HEG1: variants seen among roughly 807,000 people sequenced by gnomAD.
HEG1 encodes heart development protein with EGF like domains 1, also known as protein HEG homolog 1.
Under a neutral mutation model 125.6 loss-of-function variants are expected in HEG1, and 56 were observed. The observed-to-expected ratio is 0.45, with a 90% confidence interval of 0.36 to 0.56. The LOEUF (loss-of-function observed/expected upper bound fraction) is 0.56. Ranked by LOEUF, HEG1 falls within the 20% of genes least tolerant of loss-of-function variation. HEG1 has a pLI of 0.00. For missense variants in HEG1, 1,523 were observed against 1,670.0 expected (o/e 0.91, Z 1.53); for synonymous variants, 644 against 668.5 (o/e 0.96, Z 0.57).
Position 124,977,854 on chromosome 3 carries a change from C to G in HEG1, c.3821+5G>C. 1 of 1,552,692 alleles carries G rather than the reference C, an allele frequency of 6.4e-7. No individual in the cohort carries two copies. Among genetic ancestry groups the G allele is most frequent in the Non-Finnish European group, 8.7e-7 (1 of 1,144,528 alleles). ...GGGATTGGAACCTGAACTCTCATCA[C>G]TTACCTGCAACAGGTAACAATCAGT... On this transcript the variant is annotated splice_donor_5th_base_variant and intron_variant, in intron 15 of 16. Transcript: ENST00000311127.
intron 1 of HEG1, among the ~76,000 whole-genome samples, chr3:125,043,925 G>T (rs1032703258): frequency 6.6e-6 from 1 of 152,210 alleles, no homozygotes; most frequent in Non-Finnish European, 1.5e-5. Context: ...TGCTCCCAGG[G>T]GTGTGCACAC....
chr3:125,029,368 G>A lies in HEG1; in HGVS notation c.437C>T (p.Thr146Ile). 1.2e-6 allele frequency: 2 copies of A among 1,613,728 alleles called. No individual in the cohort carries two copies. The highest frequency in any genetic ancestry group is 8.5e-7 in the Non-Finnish European group (1 of 1,179,900). Residue 146 changes from threonine to isoleucine, a missense_variant, in exon 2 of 17, where the codon ACC becomes ATC. By Grantham distance (89) the Thr-to-Ile change is moderately conservative (BLOSUM62 -1). Transcript: ENST00000311127. Reference sequence around the variant, plus strand: ...CGAAGCAGCATGGCTCTTCCCAGAGGTCTGAACCATCACGCCCTCTTTGGA... The same window carrying A: ...CGAAGCAGCATGGCTCTTCCCAGAGATCTGAACCATCACGCCCTCTTTGGA... ...VSSKEGVMVQ[T>I]SGKSHAASDA... is the part of the protein sequence containing the mutation.
intron 1 of HEG1, 26 bp from the exon 2 acceptor site, chr3:125,029,514 G>A: frequency 6.3e-7 from 1 of 1,577,740 alleles, no homozygotes; most frequent in Non-Finnish European, 8.6e-7. Context: ...GATGCATCAG[G>A]GAGAGTTTGC....
chr3:125,020,042 T>C (rs970528177), intron 4 of HEG1, among the ~76,000 whole-genome samples: 1 of 152,214 alleles, frequency 6.6e-6, no homozygotes, highest in Non-Finnish European at 1.5e-5. Context: ...ATTATAAGGA[T>C]TAAGCCAAAC....
chr3:125,008,195 C>G (rs1937100766), intron 8 of HEG1, among the ~76,000 whole-genome samples: 1 of 152,210 alleles, frequency 6.6e-6, no homozygotes, highest in Non-Finnish European at 1.5e-5. Flanking sequence ...CAGGCATAAG[C>G]CACTACACCA....
At chr3:124,975,874 C>T (rs1445556322) in intron 15 of HEG1, among the ~76,000 whole-genome samples, 3 of 152,178 alleles carry the variant, frequency 2.0e-5, no homozygotes, top group African/African-American at 7.2e-5. Flanking sequence ...CATTTTATGC[C>T]GGAATCATAT....
rs1367964879 is a variant in HEG1, at chr3:125,013,880, C to G, written c.1699G>C (p.Ala567Pro). ...CTGTTATCTGTAATGGACAGTAACG[C>G]CCGTTCTCCTTTGGTGAAAGTAGAT... ...LSSTFTKGER[A>P]LLSITDNSSS... The change falls in exon 6 of 17, where the codon GCG becomes CCG. Residue 567 changes from alanine (A) to proline (P), a missense_variant. Ala to Pro is a conservative substitution (Grantham distance 27, BLOSUM62 -1). Transcript: ENST00000311127. The G allele has an allele frequency of 6.2e-7, 1 of 1,613,658 alleles. No homozygotes were observed. Among genetic ancestry groups the G allele is most frequent in the Non-Finnish European group, 8.5e-7 (1 of 1,179,860 alleles).
At chr3:125,007,278 G>A (rs1560023247) in intron 8 of HEG1, among the ~76,000 whole-genome samples, 1 of 151,092 alleles carries the variant, frequency 6.6e-6, no homozygotes, top group Non-Finnish European at 1.5e-5. Flanking sequence ...GACAGTAAAC[G>A]TGGCATCTGC....
At chr3:124,991,113 G>C (rs1936826380) in intron 12 of HEG1, 127 bp from the exon 13 acceptor site, 2 of 689,006 alleles carry the variant, frequency 2.9e-6, no homozygotes, top group Admixed American at 2.8e-5. Flanking sequence ...AACTGCTTTG[G>C]AATGATCCTC....
intron 16 of HEG1, among the ~76,000 whole-genome samples, chr3:124,973,138 T>C (rs1256365383): frequency 6.6e-6 from 1 of 152,054 alleles, no homozygotes; most frequent in Non-Finnish European, 1.5e-5. Flanking sequence ...CCTCCCATCT[T>C]AGCCTCTCAA....
chr3:125,007,258 T>A (rs573832348), intron 8 of HEG1, among the ~76,000 whole-genome samples: 10 of 151,904 alleles, frequency 6.6e-5, no homozygotes, highest in Non-Finnish European at 1.0e-4. Flanking sequence ...GTAGATCTAT[T>A]CTGAGTCAGG....
intron 15 of HEG1, among the ~76,000 whole-genome samples, chr3:124,976,247 G>C (rs1221613121): frequency 6.6e-6 from 1 of 152,138 alleles, no homozygotes; most frequent in East Asian, 1.9e-4. Flanking sequence ...GAGTGCAGTG[G>C]CATGATCTCA....
chr3:125,039,675 C>T (rs1937576152), intron 1 of HEG1, among the ~76,000 whole-genome samples: 2 of 152,016 alleles, frequency 1.3e-5, no homozygotes, highest in South Asian at 4.2e-4. Flanking sequence ...TATTATTATC[C>T]TCATATAGCA....
chr3:125,009,191 G>A (rs1937114801), intron 8 of HEG1, among the ~76,000 whole-genome samples: 1 of 152,186 alleles, frequency 6.6e-6, no homozygotes, highest in African/African-American at 2.4e-5. Context: ...ATCTGCCTAT[G>A]AGCAAGAGCA....
intron 12 of HEG1, among the ~76,000 whole-genome samples, chr3:124,996,947 G>C (rs1029047310): frequency 2.6e-5 from 4 of 152,178 alleles, no homozygotes; most frequent in African/African-American, 9.7e-5. Context: ...TTTTAAAGCA[G>C]TATTCTTGGA....
intron 14 of HEG1, among the ~76,000 whole-genome samples, chr3:124,979,087 T>C (rs1936604827): frequency 6.6e-6 from 1 of 151,980 alleles, no homozygotes; most frequent in Admixed American, 6.6e-5. Flanking sequence ...GTAGCTGGGA[T>C]TACAGACACG....
intron 4 of HEG1, 134 bp from the exon 5 acceptor site, chr3:125,019,731 G>A: frequency 1.5e-6 from 1 of 646,350 alleles, no homozygotes; most frequent in Non-Finnish European, 2.7e-6. Flanking sequence ...AATGTATTAT[G>A]CACTATCATA....
chr3:125,055,994 GAGTGAGGCT>G, exon 1 of HEG1: 1 of 566,514 alleles, frequency 1.8e-6, no homozygotes, highest in Non-Finnish European at 2.2e-6. Context: ...GAAGTGAGCG[GAGTGAGGCT>G]GCGAGCGCGC....
chr3:124,976,232 G>C (rs985096742), intron 15 of HEG1, among the ~76,000 whole-genome samples: 7 of 152,128 alleles, frequency 4.6e-5, no homozygotes, highest in Non-Finnish European at 4.4e-5. Flanking sequence ...CTGTCACCCA[G>C]GCTGGAGTGC....
Sources: allele counts gnomAD v4.1 joint callset (sites outside exome capture counted in the v4.1 genomes callset), GRCh38; gene constraint gnomAD v4.1.1; transcripts MANE v1.5; gene names NCBI Gene and HGNC (gene_info 2026-07-23, HGNC 2026-07-21).